PCDH7: variants seen among roughly 807,000 people sequenced by gnomAD.
PCDH7 encodes the protein protocadherin 7.
A neutral mutation model predicts 58.9 loss-of-function variants in PCDH7; 17 were observed. That is an observed-to-expected ratio of 0.29 (90% CI 0.20 to 0.43). The LOEUF is 0.43. Ranked by LOEUF, PCDH7 falls within the 20% of genes least tolerant of loss-of-function variation. The probability of loss-of-function intolerance (pLI) is 1.00; values close to 1 mark genes in which losing one functional copy is unlikely to be tolerated. For synonymous variants in PCDH7, 664 were observed against 616.4 expected (o/e 1.08, Z -1.14); for missense variants, 1,274 against 1,441.0 (o/e 0.88, Z 1.88).
At chr4:30,818,543 A>G (rs1019592971) in intron 1 of PCDH7, among the ~76,000 whole-genome samples, 9 of 152,180 alleles carry the variant, frequency 5.9e-5, no homozygotes, top group African/African-American at 1.7e-4. Context: ...AACAATTCCA[A>G]TGATCATAAT....
chr4:30,763,029 G>A (rs942321101), intron 1 of PCDH7, among the ~76,000 whole-genome samples: 16 of 152,110 alleles, frequency 1.1e-4, no homozygotes, highest in Non-Finnish European at 2.1e-4. Flanking sequence ...GATCACCTGA[G>A]GCCAGGAGTT....
At position 31,031,747 on chromosome 4, in the gene PCDH7, C is replaced by A. The variant is rs544940606; in HGVS notation, c.*7+81532C>A. On this transcript the variant is annotated intron_variant, in intron 3 of 3. Coordinates refer to the PCDH7 transcript ENST00000509759. Reference sequence around the variant, plus strand: ...ATCTCAGTGTAAGGAATTAAAAGGGCCTTTGGAAACATATACAACTAACTC... The same window carrying A: ...ATCTCAGTGTAAGGAATTAAAAGGGACTTTGGAAACATATACAACTAACTC... Among the ~76,000 whole-genome samples the A allele has an allele frequency of 6.6e-5, 10 of 152,124 alleles. No homozygotes were observed. The South Asian group carries it at 1.7e-3, about 25-fold the overall frequency.
intron 3 of PCDH7, among the ~76,000 whole-genome samples, chr4:31,012,913 G>A (rs1753301587): frequency 6.6e-6 from 1 of 150,528 alleles, no homozygotes; most frequent in Non-Finnish European, 1.5e-5. Flanking sequence ...TAGAGACTGA[G>A]GCAGGAGAAT....
At chr4:30,999,410 A>C (rs543911416) in intron 3 of PCDH7, among the ~76,000 whole-genome samples, 4 of 152,272 alleles carry the variant, frequency 2.6e-5, no homozygotes, top group African/African-American at 9.6e-5. Flanking sequence ...TTTATCCAAA[A>C]ATTTGGTGGA....
chr4:30,722,420 C>G lies in PCDH7; in HGVS notation c.998C>G (p.Ala333Gly), dbSNP rs1332170253. ...ACCCCCATCCTGCAACTGCGCGCAG[C>G]CGACTTGGACGTGGGGGTCAACGGG... Residue 333 changes from alanine to glycine, a missense_variant, in exon 1 of 2, where the codon GCC (alanine) becomes GGC (glycine). By Grantham distance (60) the Ala-to-Gly change is moderately conservative. Coordinates refer to ENST00000361762, the Ensembl canonical transcript of PCDH7. This position sits in a 1 kb window ranked among gnomAD's most constrained non-coding sequence, Gnocchi z 7.6. 4 of 1,612,522 alleles carry G rather than the reference C, an allele frequency of 2.5e-6. No homozygotes were observed. The African/African-American group carries it at 4.0e-5, about 16-fold the overall frequency.
At chr4:30,779,302 G>A (rs1722488851) in intron 1 of PCDH7, among the ~76,000 whole-genome samples, 1 of 152,046 alleles carries the variant, frequency 6.6e-6, no homozygotes, top group African/African-American at 2.4e-5. Context: ...TGGGATTACA[G>A]GCATGAGCCA....
chr4:30,777,242 T>C (rs1167075773), intron 1 of PCDH7, among the ~76,000 whole-genome samples: 1 of 152,188 alleles, frequency 6.6e-6, no homozygotes, highest in East Asian at 1.9e-4. Context: ...TGACCTGGCA[T>C]GTCAGCCTGA....
chr4:30,894,516 TACACACACACAC>T (rs55942705), intron 1 of PCDH7, among the ~76,000 whole-genome samples: 145 of 32,154 alleles, frequency 4.5e-3, no homozygotes, highest in African/African-American at 0.018. Flanking sequence ...TATATATATA[TACACACACACAC>T]ACACACACAC....
intron 3 of PCDH7, among the ~76,000 whole-genome samples, chr4:31,085,933 G>A (rs1277048949): frequency 1.4e-5 from 2 of 144,242 alleles, no homozygotes; most frequent in African/African-American, 5.2e-5. Context: ...CAAATCTGTT[G>A]ATGACAGATT....
intron 3 of PCDH7, among the ~76,000 whole-genome samples, chr4:31,038,781 A>G (rs1453103802): frequency 6.6e-6 from 1 of 152,160 alleles, no homozygotes; most frequent in Non-Finnish European, 1.5e-5. Flanking sequence ...ATTGATGGAC[A>G]TTAGAATCCT....
intron 1 of PCDH7, among the ~76,000 whole-genome samples, chr4:30,743,050 A>G (rs561408473): frequency 6.6e-6 from 1 of 152,284 alleles, no homozygotes; most frequent in East Asian, 1.9e-4. Context: ...AATCCAAGTG[A>G]CACTTTGGTT....
At chr4:30,947,357 TCTA>T (rs1746827437) in intron 2 of PCDH7, among the ~76,000 whole-genome samples, 2 of 152,148 alleles carry the variant, frequency 1.3e-5, no homozygotes, top group Admixed American at 6.5e-5. Flanking sequence ...TGTCTCTCCA[TCTA>T]CTACTTATTT....
At chr4:30,968,460 G>A (rs1345250092) in intron 3 of PCDH7, among the ~76,000 whole-genome samples, 2 of 141,046 alleles carry the variant, frequency 1.4e-5, no homozygotes, top group Non-Finnish European at 3.0e-5. Context: ...AGACAGCTCA[G>A]CCTTCAAACC....
chr4:30,750,355 T>A (rs1718347714), intron 1 of PCDH7, among the ~76,000 whole-genome samples: 1 of 152,182 alleles, frequency 6.6e-6, no homozygotes, highest in Non-Finnish European at 1.5e-5. Flanking sequence ...CAAGGGACCT[T>A]GTGATTGCAG....
chr4:30,854,224 A>G (rs1733148205), intron 1 of PCDH7, among the ~76,000 whole-genome samples: 1 of 150,610 alleles, frequency 6.6e-6, no homozygotes, highest in Non-Finnish European at 1.5e-5. Context: ...CACTCTGGAC[A>G]TTTTGGACTA....
intron 1 of PCDH7, among the ~76,000 whole-genome samples, chr4:30,825,634 A>G (rs1249543078): frequency 1.3e-5 from 2 of 152,142 alleles, no homozygotes; most frequent in East Asian, 1.9e-4. Context: ...TCCTTTCCAT[A>G]AAAGCTCAAA....
At chr4:30,742,467 A>AT (rs750057792) in intron 1 of PCDH7, among the ~76,000 whole-genome samples, 2 of 152,146 alleles carry the variant, frequency 1.3e-5, no homozygotes, top group Non-Finnish European at 2.9e-5. Flanking sequence ...AAATTGATCC[A>AT]TATAATATAG....
chr4:31,118,817 A>C (rs1717303470), intron 3 of PCDH7, among the ~76,000 whole-genome samples: 1 of 152,194 alleles, frequency 6.6e-6, no homozygotes, highest in African/African-American at 2.4e-5. Context: ...ACATTCAGAA[A>C]ACTTGATGGT....
rs145449054 is a variant in PCDH7, at chr4:30,845,455, A to G, written c.71-74698A>G. Among the ~76,000 whole-genome samples the G allele has an allele frequency of 3.5e-3, 531 of 152,276 alleles. 5 individuals are homozygous for G. Among genetic ancestry groups the G allele is most frequent in the African/African-American group, 0.012 (502 of 41,566 alleles). On this transcript the variant is annotated intron_variant, in intron 1 of 3. Coordinates refer to the PCDH7 transcript ENST00000509759. The stretch of plus-strand genomic sequence containing the variant: ...TAAAACCAACCCAACCTTATAATAC[A>G]TCTAAATATTATGTGAATTTGTTAT...
Sources: allele counts gnomAD v4.1 joint callset (sites outside exome capture counted in the v4.1 genomes callset), GRCh38; gene constraint gnomAD v4.1.1; non-coding constraint Gnocchi (gnomAD v3.1); transcripts MANE v1.5; gene names NCBI Gene and HGNC (gene_info 2026-07-23, HGNC 2026-07-21).